The following DIAPH2 variants were observed in gnomAD, a reference collection of about 807,000 sequenced individuals.
The protein encoded by DIAPH2 is diaphanous related formin 2.
DIAPH2 carries 35 observed loss-of-function variants against 92.7 expected under a neutral mutation model. The observed-to-expected ratio is 0.38, with a 90% CI of 0.29 to 0.50. The LOEUF is 0.50. DIAPH2 is among the 20% of genes least tolerant of loss of function. DIAPH2 has a pLI of 0.94. For synonymous variants in DIAPH2, 301 were observed against 280.4 expected, an observed-to-expected ratio of 1.07 and a Z score of -0.73; for missense variants, 701 against 819.5, an observed-to-expected ratio of 0.86 and a Z score of 1.77.
At chrX:97,215,127 A>G (rs1295535936) in intron 22 of DIAPH2, among the ~76,000 whole-genome samples, 1 of 111,581 alleles carries the variant, frequency 9.0e-6, no homozygotes, top group African/African-American at 3.3e-5. Context: ...GTTTTTAATA[A>G]CAACATGCAT....
intron 24 of DIAPH2, among the ~76,000 whole-genome samples, chrX:97,374,936 A>G (rs1489488768): frequency 9.0e-6 from 1 of 111,639 alleles, no homozygotes; most frequent in Non-Finnish European, 1.9e-5. Flanking sequence ...GTATCTTCCT[A>G]CTTGTAACCT....
rs1430748009 is a variant in DIAPH2, at chrX:97,216,001, T to C, written c.2720-31714T>C. On this transcript the variant is annotated intron_variant, in intron 22 of 26. Coordinates refer to ENST00000324765, the MANE Select transcript of DIAPH2 (RefSeq NM_006729.5). ...CCGTTAACAACCCTTTCTGATAATG[T>C]CAGAGACTTATTCACCGGCCTCAAC... Among the ~76,000 whole-genome samples the C allele has an allele frequency of 3.6e-5, 4 of 112,270 alleles. No homozygotes were observed. The Admixed American group carries it at 3.8e-4, about 11-fold the overall frequency.
Position 97,429,684 on chromosome X carries a change from A to G in DIAPH2, c.3180A>G (p.Leu1060=), listed in dbSNP as rs763182201. The G allele has an allele frequency of 2.5e-6, 3 of 1,210,700 alleles. No individual in the cohort carries two copies. In the Admixed American group the frequency reaches 6.5e-5, roughly 26 times the overall value. The change falls in exon 26 of 27, where the codon CTA becomes CTG. Residue 1060 remains leucine (L), a synonymous_variant. Coordinates refer to ENST00000324765, the MANE Select transcript of DIAPH2 (RefSeq NM_006729.5). ...AGACTGGTGTGATGGATAATCTTCT[A>G]GAAGCCCTACAATCAGGTGCAGCAT... ...GDETGVMDNL[L]EALQSGAAFR...
Position 96,963,194 on chromosome X carries a change from A to G in DIAPH2, c.1936-1899A>G, listed in dbSNP as rs746308919. ...TCTCTCTTGGCCTGTAGCCTCTCCA[A>G]TATGCTGCACCACGTGTTCCTGGGA... is the stretch of plus-strand genomic sequence containing the variant. On this transcript the variant is annotated intron_variant, in intron 16 of 26. Transcript: ENST00000324765. Among the ~76,000 whole-genome samples, 5 of 111,411 alleles carry G rather than the reference A, an allele frequency of 4.5e-5. No homozygotes were observed. The South Asian group carries it at 1.1e-3, about 26-fold the overall frequency.
chrX:97,106,534 T>G (rs2066941952), intron 20 of DIAPH2, among the ~76,000 whole-genome samples: 1 of 112,128 alleles, frequency 8.9e-6, no homozygotes, highest in African/African-American at 3.2e-5. Context: ...AGGTGTCAAT[T>G]AATTTTGCTA....
intron 9 of DIAPH2, among the ~76,000 whole-genome samples, chrX:96,919,610 CAATT>C (rs1416747339): frequency 1.8e-5 from 2 of 111,338 alleles, no homozygotes; most frequent in African/African-American, 3.3e-5. Flanking sequence ...GAAACAAACA[CAATT>C]AATTTTTTAT....
intron 3 of DIAPH2, among the ~76,000 whole-genome samples, chrX:96,751,236 A>G (rs2064184874): frequency 9.0e-6 from 1 of 111,501 alleles, no homozygotes. Context: ...GTATCATGGC[A>G]TATGAGAAGC....
chrX:96,867,637 A>G (rs768603483), intron 4 of DIAPH2, among the ~76,000 whole-genome samples: 2 of 112,113 alleles, frequency 1.8e-5, no homozygotes, highest in East Asian at 5.6e-4. Context: ...ATTTATCACA[A>G]AAGGCTTGAA....
chrX:97,463,612 A>T (rs931915069), intron 26 of DIAPH2, among the ~76,000 whole-genome samples: 2 of 110,338 alleles, frequency 1.8e-5, no homozygotes, highest in African/African-American at 6.6e-5. Flanking sequence ...GCTGATCTTG[A>T]ACTCCTGACC....
intron 1 of DIAPH2, among the ~76,000 whole-genome samples, chrX:96,735,130 TAA>T (rs1296913191): frequency 8.9e-6 from 1 of 111,965 alleles, no homozygotes; most frequent in Non-Finnish European, 1.9e-5. Flanking sequence ...TTGCTGTACT[TAA>T]ATTCTTCAAA....
At chrX:97,555,899 C>T (rs1602666554) in intron 26 of DIAPH2, among the ~76,000 whole-genome samples, 1 of 111,885 alleles carries the variant, frequency 8.9e-6, no homozygotes, top group East Asian at 2.8e-4. Context: ...TAGGCAACAA[C>T]AGTAATAGCG....
intron 1 of DIAPH2, among the ~76,000 whole-genome samples, chrX:96,721,148 G>A (rs1473142355): frequency 8.9e-6 from 1 of 111,821 alleles, no homozygotes; most frequent in Non-Finnish European, 1.9e-5. Context: ...CATTTTGCAT[G>A]TTGCTGGAAC....
intron 25 of DIAPH2, among the ~76,000 whole-genome samples, chrX:97,420,663 G>A (rs1166017224): frequency 1.8e-5 from 2 of 111,251 alleles, no homozygotes; most frequent in African/African-American, 6.5e-5. Flanking sequence ...CTTTTTAGTG[G>A]ATACCACTGT....
chrX:97,302,601 G>A (rs2068716546), intron 23 of DIAPH2, among the ~76,000 whole-genome samples: 4 of 111,878 alleles, frequency 3.6e-5, no homozygotes, highest in Non-Finnish European at 5.6e-5. Context: ...AGGAGGCAGT[G>A]TAACTGGGTG....
chrX:96,719,860 AAAAC>A (rs2063978694), intron 1 of DIAPH2, among the ~76,000 whole-genome samples: 1 of 112,397 alleles, frequency 8.9e-6, no homozygotes, highest in Non-Finnish European at 1.9e-5. Flanking sequence ...ATCAAAAACA[AAAAC>A]AAAAGTAAAA....
At chrX:97,021,264 T>G (rs767064930) in intron 17 of DIAPH2, among the ~76,000 whole-genome samples, 3 of 111,636 alleles carry the variant, frequency 2.7e-5, no homozygotes, top group Non-Finnish European at 5.7e-5. Context: ...GTGGCACGAT[T>G]ACAGCTCACT....
intron 17 of DIAPH2, among the ~76,000 whole-genome samples, chrX:97,026,260 T>A (rs1246048551): frequency 8.9e-6 from 1 of 112,202 alleles, no homozygotes; most frequent in African/African-American, 3.2e-5. Context: ...GCATAGTTGT[T>A]AGTAAAATAC....
At chrX:97,366,009 T>C (rs1005193865) in intron 24 of DIAPH2, among the ~76,000 whole-genome samples, 2 of 111,962 alleles carry the variant, frequency 1.8e-5, no homozygotes, top group African/African-American at 6.5e-5. Flanking sequence ...ATATTGTTAA[T>C]GTGGCTTTTG....
intron 4 of DIAPH2, among the ~76,000 whole-genome samples, chrX:96,847,749 C>T (rs1212634650): frequency 9.0e-6 from 1 of 110,834 alleles, no homozygotes; most frequent in Non-Finnish European, 1.9e-5. Flanking sequence ...AGCAGAGGAC[C>T]TGATAGGTAG....
Sources: gnomAD v4.1 joint callset for allele counts (sites outside exome capture counted in the v4.1 genomes callset) on GRCh38, gnomAD v4.1.1 for gene constraint, MANE v1.5 for transcripts, NCBI Gene and HGNC (gene_info 2026-07-23, HGNC 2026-07-21) for gene names.